The following LRSAM1 variants were observed in gnomAD, a reference collection of about 807,000 sequenced individuals.
The protein encoded by LRSAM1 is leucine rich repeat and sterile alpha motif containing 1.
In LRSAM1, 96 loss-of-function variants were observed where a neutral mutation model predicts 118.1. That is an observed-to-expected ratio of 0.81 (90% CI 0.69 to 0.96). The LOEUF (loss-of-function observed/expected upper bound fraction) is 0.96, where lower values mean the gene tolerates loss of function less well. Among genes scored for constraint, LRSAM1 ranks in the 40% least tolerant of loss-of-function variants. LRSAM1 has a pLI of 0.00. For missense variants in LRSAM1, 804 were observed against 915.5 expected (o/e 0.88, Z 1.57); for synonymous variants, 322 against 364.2 (o/e 0.88, Z 1.32).
intron 21 of LRSAM1, among the ~76,000 whole-genome samples, chr9:127,493,300 G>A (rs1251129300): frequency 2.0e-5 from 3 of 152,166 alleles, no homozygotes; most frequent in Admixed American, 6.5e-5. Context: ...GGGCTCAAAC[G>A]ATCTGTCTGC....
chr9:127,465,124 G>A lies in LRSAM1; in HGVS notation c.529-2616G>A, dbSNP rs1834882469. Among the ~76,000 whole-genome samples the A allele has an allele frequency of 6.6e-6, 1 of 152,154 alleles. No homozygotes were observed. On this transcript the variant is annotated intron_variant, in intron 9 of 25. Coordinates refer to ENST00000300417, the MANE Select transcript of LRSAM1 (RefSeq NM_001005373.4). This position sits in a 1 kb window ranked among gnomAD's most constrained non-coding sequence, Gnocchi z 4.1. The stretch of plus-strand genomic sequence containing the variant: ...GCCCACCAGGTCGGTAACACTGCCT[G>A]TTTGGCTATGAGGAGACCACAGCCC...
chr9:127,458,468 T>G (rs1834613093), intron 6 of LRSAM1, among the ~76,000 whole-genome samples: 1 of 150,864 alleles, frequency 6.6e-6, no homozygotes. Flanking sequence ...TAATCCCAGC[T>G]ACTTGGGAGG....
intron 18 of LRSAM1, among the ~76,000 whole-genome samples, 195 bp downstream of exon 18, chr9:127,487,958 G>T (rs1251040001): frequency 1.3e-5 from 2 of 152,228 alleles, no homozygotes; most frequent in Admixed American, 1.3e-4. Flanking sequence ...TGGTCTTCTG[G>T]TCACTAAAAT....
chr9:127,498,739 C>G (rs1285471082), intron 24 of LRSAM1, among the ~76,000 whole-genome samples: 3 of 152,168 alleles, frequency 2.0e-5, no homozygotes, highest in African/African-American at 7.2e-5. Flanking sequence ...TTATTACTCC[C>G]AGAAATCGGT....
At chr9:127,470,602 G>C (rs1029645551) in intron 10 of LRSAM1, among the ~76,000 whole-genome samples, 1 of 152,044 alleles carries the variant, frequency 6.6e-6, no homozygotes, top group Non-Finnish European at 1.5e-5. Flanking sequence ...GTCCAACCTG[G>C]AAACAGCTTT....
At chr9:127,473,709 T>A in intron 10 of LRSAM1, 92 bp from the exon 11 acceptor site, 1 of 1,575,938 alleles carries the variant, frequency 6.3e-7, no homozygotes, top group Non-Finnish European at 8.7e-7. Context: ...TGAGTCAGGG[T>A]GGGGCCGGCT....
intron 24 of LRSAM1, among the ~76,000 whole-genome samples, chr9:127,499,788 C>T (rs1243632163): frequency 1.3e-5 from 2 of 151,572 alleles, no homozygotes; most frequent in Non-Finnish European, 1.5e-5. Flanking sequence ...GGCACAGTGG[C>T]GTGTGCCTAT....
chr9:127,491,129 C>A, intron 19 of LRSAM1, 86 bp from the exon 20 acceptor site: 1 of 1,144,922 alleles, frequency 8.7e-7, no homozygotes, highest in African/African-American at 1.5e-5. Context: ...GCTTCTTAGA[C>A]CCACTTGGTC....
intron 11 of LRSAM1, 35 bp downstream of exon 11, chr9:127,473,966 G>A (rs1268707020): frequency 1.2e-6 from 2 of 1,612,956 alleles, no homozygotes; most frequent in Non-Finnish European, 1.7e-6. Flanking sequence ...GCATACATGT[G>A]TGTGTGTGCG....
Position 127,455,031 on chromosome 9 carries a change from A to G in LRSAM1, c.106A>G (p.Ile36Val), listed in dbSNP as rs759065503. The part of the protein sequence containing the change: ...KEAGADDILD[I>V]SKCELSEIPF... ...AGCTGGGGCAGATGACATTCTCGACATCTCTAAATGTGAGCTCTCAGAGGT... is the reference window on the plus strand; with the variant it reads ...AGCTGGGGCAGATGACATTCTCGACGTCTCTAAATGTGAGCTCTCAGAGGT... The change falls in exon 4 of 26, where the codon ATC becomes GTC. Residue 36 changes from isoleucine (I) to valine (V), a missense_variant. Transcript: ENST00000300417. The G allele has an allele frequency of 2.0e-5, 33 of 1,614,036 alleles. No individual in the cohort carries two copies. The highest frequency in any genetic ancestry group is 2.6e-5 in the Non-Finnish European group (31 of 1,180,026).
chr9:127,479,878 C>T lies in LRSAM1; in HGVS notation c.943C>T (p.Arg315Cys), dbSNP rs1488976635. ...RLEQGLSEHQ[R>C]HLNAERQRLQ... ...GGAGCAGGGCCTGAGTGAGCACCAG[C>T]GCCACCTCAACGCAGAGCGGCAGCG... The change falls in exon 14 of 26, where the codon CGC (arginine) becomes TGC (cysteine). Residue 315 changes from arginine to cysteine, a missense_variant. Arg to Cys is a radical substitution (Grantham distance 180, BLOSUM62 -3). Coordinates refer to ENST00000300417, the MANE Select transcript of LRSAM1 (RefSeq NM_001005373.4). The T allele has an allele frequency of 3.7e-6, 6 of 1,612,442 alleles. No individual in the cohort carries two copies. Among genetic ancestry groups the T allele is most frequent in the South Asian group, 2.2e-5 (2 of 90,940 alleles).
intron 9 of LRSAM1, among the ~76,000 whole-genome samples, chr9:127,467,453 G>A (rs796122937): frequency 6.6e-6 from 1 of 150,652 alleles, no homozygotes; most frequent in African/African-American, 2.4e-5. Context: ...AGGGAGGGAG[G>A]GAAGGGGGCT....
At chr9:127,471,927 C>T (rs1041063753) in intron 10 of LRSAM1, among the ~76,000 whole-genome samples, 3 of 151,336 alleles carry the variant, frequency 2.0e-5, no homozygotes, top group Admixed American at 6.6e-5. Flanking sequence ...CCTCCCGAAG[C>T]GCTGGCATTA....
intron 20 of LRSAM1, among the ~76,000 whole-genome samples, 183 bp downstream of exon 20, chr9:127,491,478 C>T (rs941136490): frequency 2.7e-4 from 41 of 152,200 alleles, no homozygotes; most frequent in Non-Finnish European, 1.3e-4. Context: ...GAAGGCCCAG[C>T]GCAGGCCAAG....
intron 12 of LRSAM1, among the ~76,000 whole-genome samples, 161 bp from the exon 13 acceptor site, chr9:127,479,221 CA>C (rs1237540991): frequency 1.3e-5 from 2 of 152,160 alleles, no homozygotes; most frequent in African/African-American, 4.8e-5. Flanking sequence ...TTCCTGTGAA[CA>C]GCTTGTTTTC....
In LRSAM1 at chr9:127,467,652, C is replaced by T. The variant is rs1835007137; in HGVS notation, c.529-88C>T. The T allele has an allele frequency of 4.7e-6, 6 of 1,275,870 alleles. No homozygotes were observed. In the East Asian group the frequency reaches 1.2e-4, roughly 26 times the overall value. The allele number at this position is 1,275,870 out of a possible 1,614,324, so 79.0% of individuals were successfully genotyped here. ...GGCCATTCCTGCTGGGTAGAGGTGA[C>T]AGAGAACACACAAATTGATAAGGAA... On this transcript the variant is annotated intron_variant, in intron 9 of 25. Coordinates refer to ENST00000300417, the MANE Select transcript of LRSAM1 (RefSeq NM_001005373.4).
chr9:127,479,895 G>A lies in LRSAM1; in HGVS notation c.960G>A (p.Glu320=), dbSNP rs1409351681. The A allele has an allele frequency of 6.2e-7, 1 of 1,611,810 alleles. No individual in the cohort carries two copies. Among genetic ancestry groups the A allele is most frequent in the Non-Finnish European group, 8.5e-7 (1 of 1,178,744 alleles). The change falls in exon 14 of 26, where the codon GAG becomes GAA. Residue 320 remains glutamate (E), a synonymous_variant. Coordinates refer to ENST00000300417, the MANE Select transcript of LRSAM1 (RefSeq NM_001005373.4). ...AGCACCAGCGCCACCTCAACGCAGA[G>A]CGGCAGCGGCTGCAGGAGCAGCTGA... ...LSEHQRHLNA[E]RQRLQEQLKQ...
At chr9:127,457,180 C>G in intron 5 of LRSAM1, 136 bp from the exon 6 acceptor site, 1 of 850,578 alleles carries the variant, frequency 1.2e-6, no homozygotes, top group South Asian at 1.4e-5. Flanking sequence ...ATGATACTGA[C>G]CCGCATCCCC....
intron 7 of LRSAM1, among the ~76,000 whole-genome samples, chr9:127,460,592 G>A (rs1402058732): frequency 6.6e-6 from 1 of 152,220 alleles, no homozygotes. Flanking sequence ...GTCGGTGTAA[G>A]TGCTGGAACC....
Sources: gnomAD v4.1 joint callset for allele counts (sites outside exome capture counted in the v4.1 genomes callset) on GRCh38, gnomAD v4.1.1 for gene constraint, Gnocchi (gnomAD v3.1) non-coding constraint, MANE v1.5 for transcripts, NCBI Gene and HGNC (gene_info 2026-07-23, HGNC 2026-07-21) for gene names.